Variants in F8 observed in about 807,000 individuals in gnomAD.
F8 encodes the protein antihemophilic factor.
A neutral mutation model predicts 140.6 loss-of-function variants in F8; 12 were observed. That is an observed-to-expected ratio of 0.09 (90% confidence interval 0.05 to 0.14). F8 has a LOEUF of 0.14. Among genes scored for constraint, F8 ranks in the 10% least tolerant of loss-of-function variants. The probability of loss-of-function intolerance (pLI) is 1.00; values close to 1 mark genes in which losing one functional copy is unlikely to be tolerated. For synonymous variants in F8, 585 were observed against 614.6 expected (o/e 0.95, Z 0.71); for missense variants, 1,354 against 1,720.7 (o/e 0.79, Z 3.77).
rs1293795410 is a variant in F8 at position 154,961,000 on chromosome X, T to A, written c.1537+75A>T. 33 of 691,481 alleles carry A rather than the reference T, an allele frequency of 4.8e-5. No homozygotes were observed. The African/African-American group carries it at 6.8e-4, about 14-fold the overall frequency. The allele number at this position is 691,481 out of a possible 1,213,427, so 57.0% of individuals were successfully genotyped here. ...AGCTGGAGAAAGGACCAACATAATT[T>A]TAGTTGTTATTGATGATATTTATCT... On this transcript the variant is annotated intron_variant, in intron 10 of 25. Transcript: ENST00000360256.
chrX:154,869,768 G>GA (rs2072758324), intron 22 of F8, among the ~76,000 whole-genome samples: 1 of 110,839 alleles, frequency 9.0e-6, no homozygotes, highest in African/African-American at 3.3e-5. Context: ...TGGTTTTTTT[G>GA]AAAAAATCAA....
chrX:154,848,734 C>G (rs1457236266), intron 25 of F8, among the ~76,000 whole-genome samples: 2 of 111,499 alleles, frequency 1.8e-5, no homozygotes, highest in Non-Finnish European at 3.8e-5. Flanking sequence ...CTTGTGCTTC[C>G]CGGGTGAGGT....
In F8 at chrX:154,930,473, G is replaced by A; in HGVS notation, c.3317C>T (p.Pro1106Leu). ...VQQKKEGPIP[P>L]DAQNPDMSFF... ...CGACATATCTGGATTTTGTGCATCT[G>A]GTGGAATGGGGCCCTCTTTTTTCTG... is the stretch of plus-strand genomic sequence containing the variant. Residue 1106 changes from proline (P) to leucine (L), a missense_variant, in exon 14 of 26, where the codon CCA becomes CTA. By Grantham distance (98) the Pro-to-Leu change is moderately conservative. This residue lies in a region of F8 where 658 missense variants were observed against 666.5 expected (regional missense o/e 0.99). Coordinates refer to ENST00000360256, the MANE Select transcript of F8 (RefSeq NM_000132.4). The A allele has an allele frequency of 1.7e-6, 2 of 1,208,222 alleles. No homozygotes were observed. The highest frequency in any genetic ancestry group is 1.1e-6 in the Non-Finnish European group (1 of 892,356).
At chrX:154,938,504 TA>T in intron 13 of F8, among the ~76,000 whole-genome samples, 2 of 111,758 alleles carry the variant, frequency 1.8e-5, no homozygotes, top group Middle Eastern at 4.6e-3. Context: ...TTAAAATATG[TA>T]GAAAGAAAAT....
chrX:154,911,722 G>T (rs1318218212), intron 14 of F8, among the ~76,000 whole-genome samples: 3 of 111,913 alleles, frequency 2.7e-5, no homozygotes, highest in African/African-American at 9.8e-5. Flanking sequence ...TATATATCCA[G>T]CAGTGGGATT....
At chrX:154,906,673 A>G in intron 14 of F8, 100 bp from the exon 15 acceptor site, 2 of 751,332 alleles carry the variant, frequency 2.7e-6, no homozygotes, top group Non-Finnish European at 2.0e-6. Flanking sequence ...AGCATTTTGC[A>G]TAGTTAACCA....
intron 22 of F8, 139 bp from the exon 23 acceptor site, chrX:154,863,366 G>T: frequency 1.8e-6 from 1 of 561,964 alleles, no homozygotes. Context: ...ACTATGGTTA[G>T]ATGGATGTTA....
chrX:155,016,453 T>C (rs1187597147), intron 1 of F8, among the ~76,000 whole-genome samples: 1 of 112,176 alleles, frequency 8.9e-6, no homozygotes, highest in Non-Finnish European at 1.9e-5. Context: ...TAAATGAAAA[T>C]AGATGTTCAC....
At chrX:154,937,340 G>T (rs2073230146) in intron 13 of F8, among the ~76,000 whole-genome samples, 1 of 109,764 alleles carries the variant, frequency 9.1e-6, no homozygotes, top group African/African-American at 3.3e-5. Context: ...CCTATGGTAG[G>T]ATTAGTAAAT....
intron 7 of F8, among the ~76,000 whole-genome samples, chrX:154,967,386 C>T (rs1202289784): frequency 1.8e-5 from 2 of 112,048 alleles, no homozygotes; most frequent in African/African-American, 6.5e-5. Context: ...GTCTCATCTT[C>T]ATGCTTTGTA....
intron 21 of F8, chrX:154,897,710 T>A (rs1557275701): frequency 8.9e-6 from 1 of 112,563 alleles, no homozygotes; most frequent in East Asian, 2.8e-4. Flanking sequence ...TGACTTTTAC[T>A]GTTTCTTCAT....
At chrX:154,841,837 T>G (rs2072524145) in intron 25 of F8, among the ~76,000 whole-genome samples, 1 of 111,767 alleles carries the variant, frequency 8.9e-6, no homozygotes, top group Admixed American at 9.6e-5. Flanking sequence ...TGTTTGGGAT[T>G]TATGTTTATG....
At chrX:154,850,901 C>T (rs935501534) in intron 25 of F8, among the ~76,000 whole-genome samples, 1 of 111,905 alleles carries the variant, frequency 8.9e-6, no homozygotes, top group Non-Finnish European at 1.9e-5. Context: ...TTGCAAAATT[C>T]GCAAACATAA....
chrX:154,904,519 T>G lies in F8; in HGVS notation c.5592A>C (p.Lys1864Asn). 8.3e-7 allele frequency: 1 copy of G among 1,199,999 alleles called. No individual in the cohort carries two copies. Among genetic ancestry groups the G allele is most frequent in the South Asian group, 1.8e-5 (1 of 56,684 alleles). The change falls in exon 17 of 26, where the codon AAA becomes AAC. Residue 1864 changes from lysine to asparagine, a missense_variant. Physicochemically the swap from Lys to Asn is moderately conservative, Grantham distance 94. Coordinates refer to ENST00000360256, the MANE Select transcript of F8 (RefSeq NM_000132.4). ...GTCCAATCAGGCCTGAGTGCACATC[T>G]TTTTCCTAGGGAGGGAAGACATCAA... The part of the protein sequence containing the change: ...WAYFSDVDLE[K>N]DVHSGLIGPL...
rs1340871537 is a variant in F8 at position 154,982,385 on chromosome X, C to T, written c.787+2302G>A. Among the ~76,000 whole-genome samples the T allele has an allele frequency of 1.6e-3, 146 of 93,497 alleles. 1 individual carries two copies. The highest frequency in any genetic ancestry group is 7.8e-3 in the East Asian group (23 of 2,959). 81.2% of individuals were successfully genotyped at this position (93,497 alleles called of 115,157 possible). On this transcript the variant is annotated intron_variant, in intron 6 of 25. Transcript: ENST00000360256. ...TGGCGTGAACCCCGGGGGGCAGAGC[C>T]TGCAGTGAGCTGAGATTGCGCCACT...
intron 22 of F8, among the ~76,000 whole-genome samples, chrX:154,894,887 C>T (rs947793532): frequency 8.9e-6 from 1 of 111,801 alleles, no homozygotes; most frequent in Non-Finnish European, 1.9e-5. Context: ...AGAGAAGGAA[C>T]TTCCAGATGA....
At chrX:154,939,869 T>C (rs1257284290) in intron 13 of F8, among the ~76,000 whole-genome samples, 1 of 112,126 alleles carries the variant, frequency 8.9e-6, no homozygotes, top group Non-Finnish European at 1.9e-5. Flanking sequence ...ATATCTGCTG[T>C]TCTGCAGCCT....
At chrX:154,925,814 T>G (rs781814495) in intron 14 of F8, among the ~76,000 whole-genome samples, 1 of 112,524 alleles carries the variant, frequency 8.9e-6, no homozygotes, top group East Asian at 2.8e-4. Flanking sequence ...GATGAGACAT[T>G]GGACTGTGGA....
In F8 at chrX:154,860,566, T is replaced by A. The variant is rs112699109; in HGVS notation, c.6766A>T (p.Thr2256Ser). The change falls in exon 25 of 26, where the codon ACA becomes TCA. Residue 2256 changes from threonine to serine, a missense_variant. Coordinates refer to ENST00000360256, the MANE Select transcript of F8 (RefSeq NM_000132.4). ...KEWLQVDFQK[T>S]MKVTGVTTQG... ...GTAGTTACTCCTGTGACTTTCATTG[T>A]CTTCTGGAAGTCCACTTGCAGCCAC... The A allele has an allele frequency of 1.2e-5, 14 of 1,210,004 alleles. No homozygotes were observed. In the Admixed American group the frequency reaches 3.1e-4, roughly 26 times the overall value.
Sources: gnomAD v4.1 joint callset for allele counts (sites outside exome capture counted in the v4.1 genomes callset) on GRCh38, gnomAD v4.1.1 for gene constraint, gnomAD v4.1.1 regional missense constraint, MANE v1.5 for transcripts, NCBI Gene and HGNC (gene_info 2026-07-23, HGNC 2026-07-21) for gene names.